Variants in CAMK4 observed in about 807,000 individuals in gnomAD.
CAMK4 encodes the protein calcium/calmodulin dependent protein kinase IV.
In CAMK4, 22 loss-of-function variants were observed where a neutral mutation model predicts 44.9. That is an observed-to-expected ratio of 0.49 (90% CI 0.35 to 0.70). CAMK4 has a LOEUF of 0.70. Ranked by LOEUF, CAMK4 falls within the 30% of genes least tolerant of loss-of-function variation. CAMK4 has a pLI of 0.01. For missense variants in CAMK4, 498 were observed against 586.8 expected (o/e 0.85, Z 1.56); for synonymous variants, 218 against 215.4 (o/e 1.01, Z -0.11).
intron 5 of CAMK4, among the ~76,000 whole-genome samples, chr5:111,425,977 C>T (rs977556380): frequency 1.3e-5 from 2 of 152,074 alleles, no homozygotes; most frequent in African/African-American, 2.4e-5. Context: ...GTATGGAGTT[C>T]AAGTTCATGA....
intron 5 of CAMK4, among the ~76,000 whole-genome samples, chr5:111,404,362 A>G (rs922081400): frequency 1.3e-5 from 2 of 152,206 alleles, no homozygotes; most frequent in Non-Finnish European, 2.9e-5. Context: ...GTCAGTTCTT[A>G]TCTGGAGAAA....
chr5:111,330,628 G>A (rs1286902538), intron 1 of CAMK4, among the ~76,000 whole-genome samples: 2 of 151,538 alleles, frequency 1.3e-5, no homozygotes, highest in African/African-American at 2.4e-5. Context: ...AAGTATAAGG[G>A]GGAATGTGCA....
intron 1 of CAMK4, among the ~76,000 whole-genome samples, chr5:111,335,257 T>C (rs191507919): frequency 6.6e-5 from 10 of 151,592 alleles, no homozygotes; most frequent in Admixed American, 1.3e-4. Context: ...CCTCCCTTAA[T>C]AGGAGAATGC....
chr5:111,346,484 A>ATCTATCTG (rs1371451124), intron 2 of CAMK4, among the ~76,000 whole-genome samples: 23 of 56,588 alleles, frequency 4.1e-4, no homozygotes, highest in Middle Eastern at 6.7e-3. Context: ...TTGAAACTTT[A>ATCTATCTG]TCTATCTATC....
At chr5:111,261,925 T>C (rs1749997621) in intron 1 of CAMK4, among the ~76,000 whole-genome samples, 1 of 152,152 alleles carries the variant, frequency 6.6e-6, no homozygotes, top group African/African-American at 2.4e-5. Context: ...GCAAAACTTG[T>C]GCAGCAAGCC....
At chr5:111,233,674 A>G (rs1748579596) in intron 1 of CAMK4, among the ~76,000 whole-genome samples, 1 of 152,168 alleles carries the variant, frequency 6.6e-6, no homozygotes, top group Non-Finnish European at 1.5e-5. Flanking sequence ...TTTTCCTCTA[A>G]CTAGTAAAGT....
intron 2 of CAMK4, among the ~76,000 whole-genome samples, chr5:111,348,172 C>T (rs1468693395): frequency 6.6e-6 from 1 of 151,972 alleles, no homozygotes; most frequent in African/African-American, 2.4e-5. Context: ...GGTCTTCTCT[C>T]ATAGCTTAAT....
chr5:111,394,074 G>A (rs998832466), intron 4 of CAMK4, among the ~76,000 whole-genome samples: 10 of 151,910 alleles, frequency 6.6e-5, no homozygotes, highest in Non-Finnish European at 1.3e-4. Context: ...AATAATAAGA[G>A]ATACGCTAAC....
intron 1 of CAMK4, among the ~76,000 whole-genome samples, chr5:111,261,741 C>T (rs1749986387): frequency 6.6e-6 from 1 of 152,124 alleles, no homozygotes; most frequent in Non-Finnish European, 1.5e-5. Context: ...GCAGAATTTG[C>T]CTCTTACCCC....
At chr5:111,427,198 C>T (rs1427702816) in intron 5 of CAMK4, among the ~76,000 whole-genome samples, 1 of 152,092 alleles carries the variant, frequency 6.6e-6, no homozygotes, top group Non-Finnish European at 1.5e-5. Flanking sequence ...GTTGTGAGGT[C>T]CCCATTCCAG....
At chr5:111,418,143 C>A (rs1752880102) in intron 5 of CAMK4, among the ~76,000 whole-genome samples, 1 of 152,070 alleles carries the variant, frequency 6.6e-6, no homozygotes, top group Non-Finnish European at 1.5e-5. Context: ...AATAAAGGGA[C>A]AGAGTACAAA....
chr5:111,464,408 A>G (rs756641625), intron 7 of CAMK4, among the ~76,000 whole-genome samples: 70 of 152,224 alleles, frequency 4.6e-4, no homozygotes, highest in Non-Finnish European at 1.0e-4. Context: ...TGTGGAAAAC[A>G]TATTTGTGGG....
chr5:111,234,798 T>C (rs1022587341), intron 1 of CAMK4, among the ~76,000 whole-genome samples: 5 of 152,212 alleles, frequency 3.3e-5, no homozygotes, highest in Non-Finnish European at 7.3e-5. Context: ...CTGATTGGAA[T>C]AGTCTCTGAA....
chr5:111,286,716 T>C lies in CAMK4; in HGVS notation c.162-57308T>C, dbSNP rs72780343. ...TTAAATCACTAATATTATAAATATA[T>C]TTTTAGTATTATTTCCAATAGTGAA... is the stretch of plus-strand genomic sequence containing the variant. On this transcript the variant is annotated intron_variant, in intron 1 of 10. Coordinates refer to ENST00000282356, the MANE Select transcript of CAMK4 (RefSeq NM_001744.6). Among the ~76,000 whole-genome samples, 727 of 152,268 alleles carry C rather than the reference T, an allele frequency of 4.8e-3. 3 individuals carry two copies. The highest frequency in any genetic ancestry group is 8.9e-3 in the Admixed American group (136 of 15,296).
intron 1 of CAMK4, among the ~76,000 whole-genome samples, chr5:111,307,235 C>G (rs1283800862): frequency 3.8e-5 from 1 of 26,214 alleles, no homozygotes; most frequent in Non-Finnish European, 6.3e-5. Flanking sequence ...CAACAAAAGC[C>G]AAAATTGACA....
chr5:111,240,916 A>G (rs1273940044), intron 1 of CAMK4, among the ~76,000 whole-genome samples: 3 of 152,216 alleles, frequency 2.0e-5, no homozygotes, highest in Non-Finnish European at 4.4e-5. Context: ...ACAAAGATAC[A>G]TTCCAACTCT....
At chr5:111,361,428 A>C (rs1750586005) in intron 2 of CAMK4, among the ~76,000 whole-genome samples, 1 of 152,054 alleles carries the variant, frequency 6.6e-6, no homozygotes, top group Non-Finnish European at 1.5e-5. Flanking sequence ...GAAATAATAT[A>C]CAATGAAAAC....
At chr5:111,375,751 C>T (rs541755083) in intron 3 of CAMK4, among the ~76,000 whole-genome samples, 1 of 152,278 alleles carries the variant, frequency 6.6e-6, no homozygotes, top group African/African-American at 2.4e-5. Flanking sequence ...TGCTGCTGTT[C>T]CAGAACCCAA....
At chr5:111,401,253 C>T (rs993767599) in intron 5 of CAMK4, among the ~76,000 whole-genome samples, 1 of 152,166 alleles carries the variant, frequency 6.6e-6, no homozygotes, top group African/African-American at 2.4e-5. Context: ...GTTCTCCTGC[C>T]TCAGCCTCCC....
Sources: gnomAD v4.1 joint callset for allele counts (sites outside exome capture counted in the v4.1 genomes callset) on GRCh38, gnomAD v4.1.1 for gene constraint, MANE v1.5 for transcripts, NCBI Gene and HGNC (gene_info 2026-07-23, HGNC 2026-07-21) for gene names.